Variants in HDDC2 observed in about 807,000 individuals in gnomAD.
HDDC2 encodes the protein 5'-deoxynucleotidase HDDC2.
In HDDC2, 25 loss-of-function variants were observed where a neutral mutation model predicts 25.5. The ratio of observed to expected loss-of-function variants is 0.98; its 90% CI spans 0.72 to 1.37. The LOEUF is 1.37. Among genes scored for constraint, HDDC2 ranks in the 40% most tolerant of loss-of-function variants. The pLI is 0.00. For missense variants in HDDC2, 264 were observed against 253.1 expected (o/e 1.04, Z -0.29); for synonymous variants, 106 against 89.7 (o/e 1.18, Z -1.03).
intron 4 of HDDC2, among the ~76,000 whole-genome samples, chr6:125,286,249 T>C (rs1345702756): frequency 6.6e-6 from 1 of 152,194 alleles, no homozygotes; most frequent in Non-Finnish European, 1.5e-5. Context: ...CTTGTAGAAG[T>C]AAAACCAAAT....
chr6:125,297,444 T>TTAAGAG (rs1798720963), intron 3 of HDDC2: 2 of 397,200 alleles, frequency 5.0e-6, no homozygotes, highest in Non-Finnish European at 8.9e-6. Context: ...AGGTTGGAAC[T>TTAAGAG]CTTAAACTGG....
chr6:125,287,196 T>C (rs1798551463), intron 4 of HDDC2, among the ~76,000 whole-genome samples: 1 of 152,168 alleles, frequency 6.6e-6, no homozygotes, highest in African/African-American at 2.4e-5. Flanking sequence ...TTAAAGGAGA[T>C]TTAAAAGACA....
chr6:125,287,132 G>A (rs1487291910), intron 4 of HDDC2, among the ~76,000 whole-genome samples: 4 of 152,146 alleles, frequency 2.6e-5, no homozygotes, highest in African/African-American at 9.7e-5. Context: ...AAATGGTCTG[G>A]ATTCAACAGG....
At chr6:125,283,181 T>C (rs1798484435) in intron 4 of HDDC2, among the ~76,000 whole-genome samples, 1 of 152,188 alleles carries the variant, frequency 6.6e-6, no homozygotes, top group Non-Finnish European at 1.5e-5. Flanking sequence ...TAATAAGAGC[T>C]ATTTATGACA....
chr6:125,296,112 A>AT (rs886175627), intron 3 of HDDC2, among the ~76,000 whole-genome samples: 4 of 149,874 alleles, frequency 2.7e-5, no homozygotes, highest in Non-Finnish European at 4.5e-5. Context: ...CCAACCATAG[A>AT]TAAAAAAAAA....
chr6:125,293,418 T>C (rs1204610141), intron 3 of HDDC2, among the ~76,000 whole-genome samples: 4 of 152,218 alleles, frequency 2.6e-5, no homozygotes, highest in South Asian at 2.1e-4. Context: ...TGAGCGATTA[T>C]TGCCATTAAC....
intron 4 of HDDC2, among the ~76,000 whole-genome samples, chr6:125,291,863 A>G (rs558302484): frequency 6.6e-6 from 1 of 152,266 alleles, no homozygotes; most frequent in African/African-American, 2.4e-5. Context: ...GCCATACAGA[A>G]TCTGAGCGTT....
rs1291172602 is a variant in HDDC2, at chr6:125,276,089, T to C, written c.*57A>G. 5 of 1,263,752 alleles carry C rather than the reference T, an allele frequency of 4.0e-6. No homozygotes were observed. In the African/African-American group the frequency reaches 6.2e-5, roughly 16 times the overall value. The allele number at this position is 1,263,752 out of a possible 1,614,324, so 78.3% of individuals were successfully genotyped here. On this transcript the variant is annotated 3_prime_UTR_variant, in exon 6 of 6. Transcript: ENST00000398153. ...ACAGACCAACAATGGCAAAACACAA[T>C]ACAATGAAATGGAAAAATAATGTTT...
intron 4 of HDDC2, among the ~76,000 whole-genome samples, chr6:125,282,288 G>A (rs372045402): frequency 1.5e-3 from 226 of 151,544 alleles, no homozygotes; most frequent in African/African-American, 4.2e-3. Context: ...GGAGGTTGCA[G>A]TGAGCCGAGA....
At chr6:125,296,046 G>T (rs1469248958) in intron 3 of HDDC2, among the ~76,000 whole-genome samples, 1 of 151,430 alleles carries the variant, frequency 6.6e-6, no homozygotes, top group Non-Finnish European at 1.5e-5. Flanking sequence ...AGCCTTCCAG[G>T]TTTATCAAGT....
At chr6:125,301,792 C>G in intron 1 of HDDC2, 57 bp downstream of exon 1, 1 of 1,325,258 alleles carries the variant, frequency 7.5e-7, no homozygotes, top group Non-Finnish European at 1.0e-6. Flanking sequence ...CCGGAAGCTC[C>G]GCCGCCCCAC....
At chr6:125,290,226 T>C (rs887070535) in intron 4 of HDDC2, among the ~76,000 whole-genome samples, 1 of 152,166 alleles carries the variant, frequency 6.6e-6, no homozygotes, top group African/African-American at 2.4e-5. Context: ...TAGAGCTTAC[T>C]ATGTGCCAGG....
chr6:125,297,899 A>G (rs1187933050), intron 3 of HDDC2, among the ~76,000 whole-genome samples: 1 of 152,206 alleles, frequency 6.6e-6, no homozygotes, highest in Non-Finnish European at 1.5e-5. Flanking sequence ...GATGTTATTC[A>G]TTTCTTTCTA....
chr6:125,285,217 G>T (rs1420275989), intron 4 of HDDC2, among the ~76,000 whole-genome samples: 1 of 152,026 alleles, frequency 6.6e-6, no homozygotes, highest in Non-Finnish European at 1.5e-5. Flanking sequence ...TAATGTAGAT[G>T]ACAGGTTGAT....
chr6:125,276,250 A>G lies in HDDC2; in HGVS notation c.518-7T>C. On this transcript the variant is annotated splice_region_variant and splice_polypyrimidine_tract_variant and intron_variant, in intron 5 of 5. Coordinates refer to ENST00000398153, the MANE Select transcript of HDDC2 (RefSeq NM_016063.3). ...TCAGGGTGATTGAATTTTCCTGCAA[A>G]GCAAAAGAACAGGGAAAAATACATT... is the stretch of plus-strand genomic sequence containing the variant. The G allele has an allele frequency of 6.2e-7, 1 of 1,607,532 alleles. No homozygotes were observed. The highest frequency in any genetic ancestry group is 8.5e-7 in the Non-Finnish European group (1 of 1,174,142).
intron 3 of HDDC2, among the ~76,000 whole-genome samples, chr6:125,294,390 T>G (rs1469945427): frequency 1.3e-5 from 2 of 152,206 alleles, no homozygotes; most frequent in Non-Finnish European, 2.9e-5. Context: ...CTTGAATGGC[T>G]TGTTCAGTTA....
intron 3 of HDDC2, among the ~76,000 whole-genome samples, chr6:125,296,523 A>G (rs1394798050): frequency 6.6e-6 from 1 of 152,184 alleles, no homozygotes; most frequent in Non-Finnish European, 1.5e-5. Flanking sequence ...ATCTGCATAA[A>G]GAATTGTTCA....
At chr6:125,288,012 T>C (rs73772425) in intron 4 of HDDC2, among the ~76,000 whole-genome samples, 2,923 of 152,136 alleles carry the variant, frequency 0.019, 88 homozygotes, top group African/African-American at 0.067. Context: ...TGTGAGGAAG[T>C]AGAGTTGGGG....
chr6:125,299,187 CAGCCTAGCAACATGGTGA>C (rs1270108716), intron 2 of HDDC2, among the ~76,000 whole-genome samples: 2 of 152,166 alleles, frequency 1.3e-5, no homozygotes, highest in African/African-American at 4.8e-5. Flanking sequence ...AGTTCGAGAC[CAGCCTAGCAACATGGTGA>C]AACCCCATCT....
Sources: gnomAD v4.1 joint callset for allele counts (sites outside exome capture counted in the v4.1 genomes callset) on GRCh38, gnomAD v4.1.1 for gene constraint, MANE v1.5 for transcripts, NCBI Gene and HGNC (gene_info 2026-07-23, HGNC 2026-07-21) for gene names.